Variants in CNNM2 observed in about 807,000 individuals in gnomAD.
The protein encoded by CNNM2 is metal transporter CNNM2.
CNNM2 carries 12 observed loss-of-function variants against 66.9 expected under a neutral mutation model. That is an observed-to-expected ratio of 0.18 (90% CI 0.11 to 0.29). CNNM2 has a LOEUF of 0.29. CNNM2 is among the 10% of genes least tolerant of loss of function. CNNM2 has a pLI of 1.00. For missense variants in CNNM2, 705 were observed against 1,167.7 expected, an observed-to-expected ratio of 0.60 and a Z score of 5.77; for synonymous variants, 557 against 501.8, an observed-to-expected ratio of 1.11 and a Z score of -1.47.
intron 1 of CNNM2, among the ~76,000 whole-genome samples, chr10:103,018,560 A>G (rs1313408705): frequency 6.6e-6 from 1 of 152,114 alleles, no homozygotes; most frequent in Non-Finnish European, 1.5e-5. Context: ...CCAAAAGTGG[A>G]GGTTCAAGAG....
In CNNM2 at chr10:103,021,300, C is replaced by T. The variant is rs2064574961; in HGVS notation, c.1622-28407C>T. 2.0e-5 allele frequency among the ~76,000 whole-genome samples: 3 copies of T among 152,108 alleles called. No homozygotes were observed. In the South Asian group the frequency reaches 6.2e-4, roughly 32 times the overall value. On this transcript the variant is annotated intron_variant, in intron 1 of 7. Transcript: ENST00000369878. ...AGGAAACCAAAGAGAGTAGAATTCC[C>T]AGAACCTTGGAAGAATGCACTGCAC...
intron 4 of CNNM2, among the ~76,000 whole-genome samples, chr10:103,063,522 A>G (rs1349748938): frequency 6.6e-6 from 1 of 152,230 alleles, no homozygotes; most frequent in Non-Finnish European, 1.5e-5. Flanking sequence ...CACGCTGGCT[A>G]GGGAAGTTTA....
intron 1 of CNNM2, among the ~76,000 whole-genome samples, chr10:103,020,424 G>C (rs2064550681): frequency 1.3e-5 from 2 of 152,086 alleles, no homozygotes; most frequent in Admixed American, 1.3e-4. Context: ...CCAAAGTGCT[G>C]GGATTACAGG....
In CNNM2 at chr10:103,022,666, G is replaced by A. The variant is rs558433204; in HGVS notation, c.1622-27041G>A. Among the ~76,000 whole-genome samples, 12 of 152,276 alleles carry A rather than the reference G, an allele frequency of 7.9e-5. No individual in the cohort carries two copies. In the East Asian group the frequency reaches 2.3e-3, roughly 29 times the overall value. The stretch of plus-strand genomic sequence containing the variant: ...TGGGTCCTCTCCTGTCTTACCCTTA[G>A]TTGATTCATGTATTAGTCCATTTGC... On this transcript the variant is annotated intron_variant, in intron 1 of 7. Coordinates refer to ENST00000369878, the MANE Select transcript of CNNM2 (RefSeq NM_017649.5).
In CNNM2 at chr10:103,054,302, T is replaced by C; in HGVS notation, c.1766-27T>C. 1.2e-6 allele frequency: 2 copies of C among 1,608,800 alleles called. No individual in the cohort carries two copies. The highest frequency in any genetic ancestry group is 1.7e-6 in the Non-Finnish European group (2 of 1,177,890). ...CATCTCATGGGATGCATTTCTTTTT[T>C]TTTCTCTCTTTTAATTCCTCCCTTA... On this transcript the variant is annotated intron_variant, in intron 2 of 7. Coordinates refer to ENST00000369878, the MANE Select transcript of CNNM2 (RefSeq NM_017649.5). The surrounding 1 kb of genome is among the most constrained non-coding windows in gnomAD (Gnocchi z 5.2).
At chr10:103,016,200 G>A (rs1564846239) in intron 1 of CNNM2, among the ~76,000 whole-genome samples, 1 of 151,844 alleles carries the variant, frequency 6.6e-6, no homozygotes, top group Non-Finnish European at 1.5e-5. Flanking sequence ...TGGTAGAATA[G>A]TATTAGGTAC....
chr10:103,076,343 G>T, intron 7 of CNNM2, 73 bp downstream of exon 7: 1 of 1,456,940 alleles, frequency 6.9e-7, no homozygotes, highest in Non-Finnish European at 9.4e-7. Context: ...TGTCTGTTTT[G>T]CTCCTTGCCC....
intron 1 of CNNM2, among the ~76,000 whole-genome samples, chr10:102,969,367 C>G (rs576094293): frequency 1.3e-5 from 2 of 152,028 alleles, no homozygotes; most frequent in Admixed American, 6.5e-5. Flanking sequence ...GTGCCTGCCA[C>G]CACGCCTAGC....
chr10:102,962,210 T>G (rs1286630252), intron 1 of CNNM2, among the ~76,000 whole-genome samples: 1 of 152,176 alleles, frequency 6.6e-6, no homozygotes, highest in African/African-American at 2.4e-5. Context: ...ACATAGCTAA[T>G]GCATGCGGGG....
chr10:103,086,602 T>C lies in CNNM2; in HGVS notation c.*9422T>C, dbSNP rs1476753431. ...CATCTGATTTAGAAATACCTAAACATGGACAAAATACTTCTAAATCTGACA... is the reference window on the plus strand; with the variant it reads ...CATCTGATTTAGAAATACCTAAACACGGACAAAATACTTCTAAATCTGACA... On this transcript the variant is annotated 3_prime_UTR_variant, in exon 8 of 8. Transcript: ENST00000369878. The C allele has an allele frequency of 6.6e-6, 1 of 152,234 alleles. No individual in the cohort carries two copies. Among genetic ancestry groups the C allele is most frequent in the Non-Finnish European group, 1.5e-5 (1 of 68,028 alleles). 9.4% of individuals were successfully genotyped at this position (152,234 alleles called of 1,614,324 possible).
Position 103,089,116 on chromosome 10 carries a change from T to C in CNNM2, c.*11936T>C. On this transcript the variant is annotated 3_prime_UTR_variant, in exon 8 of 8. Transcript: ENST00000369878. ...AGAGCATACTTCTGTGCAAAGCCAG[T>C]GATAGAGAAGCAGCCTTGCCAGAGT... is the stretch of plus-strand genomic sequence containing the variant. 4.4e-6 allele frequency: 1 copy of C among 227,124 alleles called. No individual in the cohort carries two copies. Among genetic ancestry groups the C allele is most frequent in the Non-Finnish European group, 8.7e-6 (1 of 114,342 alleles). The allele number at this position is 227,124 out of a possible 1,614,324, so 14.1% of individuals were successfully genotyped here.
At chr10:102,948,081 A>G (rs950361150) in intron 1 of CNNM2, among the ~76,000 whole-genome samples, 1 of 151,650 alleles carries the variant, frequency 6.6e-6, no homozygotes, top group Non-Finnish European at 1.5e-5. Flanking sequence ...ACAAACAAAA[A>G]CCCCACACAG....
In CNNM2 at chr10:102,934,282, T is replaced by TC. The variant is rs1266514362; in HGVS notation, c.1621+14181_1621+14182insC. Among the ~76,000 whole-genome samples the TC allele has an allele frequency of 6.3e-4, 95 of 150,090 alleles. 1 individual carries two copies. The highest frequency in any genetic ancestry group is 3.0e-3 in the Admixed American group (45 of 15,124). ...CTATTTCTTTCTTTCTTTCTTTCTT[T>TC]TTTTTTTTTTGAGACAGAGCCTTGC... On this transcript the variant is annotated intron_variant, in intron 1 of 7. Coordinates refer to ENST00000369878, the MANE Select transcript of CNNM2 (RefSeq NM_017649.5).
intron 1 of CNNM2, among the ~76,000 whole-genome samples, chr10:102,931,356 CT>C (rs66613815): frequency 0.53 from 63,055 of 118,744 alleles, 15,761 homozygotes; most frequent in African/African-American, 0.58. Context: ...TTCCTTCTTT[CT>C]TTTTTTTTTT....
rs545539752 is a variant in CNNM2, at chr10:102,964,883, A to C, written c.1621+44782A>C. Among the ~76,000 whole-genome samples the C allele has an allele frequency of 7.9e-5, 12 of 152,054 alleles. No homozygotes were observed. The South Asian group carries it at 2.1e-3, about 26-fold the overall frequency. On this transcript the variant is annotated intron_variant, in intron 1 of 7. Transcript: ENST00000369878. Reference sequence around the variant, plus strand: ...AGCGAGGGGGTTGCCTTTAAGAGGGAGTTAAGGCCATGAGGGCTTCTCCCT... The same window carrying C: ...AGCGAGGGGGTTGCCTTTAAGAGGGCGTTAAGGCCATGAGGGCTTCTCCCT...
chr10:103,032,333 T>C (rs1447394274), intron 1 of CNNM2, among the ~76,000 whole-genome samples: 1 of 151,810 alleles, frequency 6.6e-6, no homozygotes, highest in East Asian at 1.9e-4. Context: ...CATCTGTAAT[T>C]CCAGCTACTC....
rs541381824 is a variant in CNNM2, at chr10:103,071,132, T to C, written c.2168-642T>C. ...CCGACAATAATCAGTTCTTAAGACC[T>C]ACCTGCCCCAGAGGTGTGATTCCTG... On this transcript the variant is annotated intron_variant, in intron 5 of 7. Coordinates refer to ENST00000369878, the MANE Select transcript of CNNM2 (RefSeq NM_017649.5). Among the ~76,000 whole-genome samples, 11 of 152,350 alleles carry C rather than the reference T, an allele frequency of 7.2e-5. No individual in the cohort carries two copies. In the East Asian group the frequency reaches 2.1e-3, roughly 29 times the overall value.
chr10:103,066,116 C>T (rs746186763), intron 4 of CNNM2, among the ~76,000 whole-genome samples: 17 of 152,162 alleles, frequency 1.1e-4, no homozygotes, highest in Non-Finnish European at 2.2e-4. Context: ...AGGCCCTGAC[C>T]GTCCTTGCCC....
intron 6 of CNNM2, among the ~76,000 whole-genome samples, chr10:103,072,601 G>A (rs567890686): frequency 6.6e-6 from 1 of 152,354 alleles, no homozygotes; most frequent in South Asian, 2.1e-4. Flanking sequence ...CGCTGCTGCC[G>A]ACTGCCCTGC....
Sources: gnomAD v4.1 joint callset for allele counts (sites outside exome capture counted in the v4.1 genomes callset) on GRCh38, gnomAD v4.1.1 for gene constraint, Gnocchi (gnomAD v3.1) non-coding constraint, MANE v1.5 for transcripts, NCBI Gene and HGNC (gene_info 2026-07-23, HGNC 2026-07-21) for gene names.